The following TTN variants were observed in gnomAD, a reference collection of about 807,000 sequenced individuals.
The protein encoded by TTN is connectin.
A neutral mutation model predicts 3,223.0 loss-of-function variants in TTN; 1,525 were observed. That is an observed-to-expected ratio of 0.47 (90% confidence interval 0.45 to 0.49). The LOEUF (loss-of-function observed/expected upper bound fraction) is 0.49, where lower values mean the gene tolerates loss of function less well. TTN is among the 20% of genes least tolerant of loss of function. The probability of loss-of-function intolerance (pLI) is 0.00; values close to 1 mark genes in which losing one functional copy is unlikely to be tolerated. For synonymous variants in TTN, 14,094 were observed against 15,161.0 expected, an observed-to-expected ratio of 0.93 and a Z score of 5.17; for missense variants, 40,786 against 43,424.0, an observed-to-expected ratio of 0.94 and a Z score of 5.40.
rs565116044 is a variant in TTN, at chr2:178,642,852, T to A, written c.40478-535A>T. ...AGAGTAGCCTTTCTTAAGATTTCCT[T>A]TTTGAAATAATGCTGGATAAAATAT... On this transcript the variant is annotated intron_variant, in intron 218 of 362. Transcript: ENST00000589042. 9.9e-5 allele frequency among the ~76,000 whole-genome samples: 15 copies of A among 152,100 alleles called. 1 individual carries two copies. Among genetic ancestry groups the A allele is most frequent in the African/African-American group, 3.6e-4 (15 of 41,534 alleles).
rs2077303070 is a variant in TTN, at chr2:178,715,243, T to A, written c.25943A>T (p.Lys8648Met). Residue 8648 changes from lysine to methionine, a missense_variant, in exon 90 of 363, where the codon AAG (lysine) becomes ATG (methionine). Lys to Met is a moderately conservative substitution (Grantham distance 95). Coordinates refer to ENST00000589042, the MANE Select transcript of TTN (RefSeq NM_001267550.2). ...KVKEPPIFRK[K>M]PHPIETLKGA... ...TTTCAGTGTCTCTATAGGATGAGGC[T>A]TTTTGCGGAAAATGGGTGGTTCTAA... 1.2e-6 allele frequency: 2 copies of A among 1,604,188 alleles called. No homozygotes were observed. The highest frequency in any genetic ancestry group is 3.4e-5 in the Admixed American group (2 of 58,318).
rs141817409 is a variant in TTN, at chr2:178,548,411, C to T, written c.93215G>A (p.Arg31072His). 7.7e-5 allele frequency: 125 copies of T among 1,613,802 alleles called. No homozygotes were observed. In the African/African-American group the frequency reaches 1.1e-3, roughly 14 times the overall value. Residue 31072 changes from arginine (R) to histidine (H), a missense_variant, in exon 339 of 363, where the codon CGT (arginine) becomes CAT (histidine). By Grantham distance (29) the Arg-to-His change is conservative. Transcript: ENST00000589042. The surrounding 1 kb of genome is among the most constrained non-coding windows in gnomAD (Gnocchi z 4.3). ...SWQVISEKCT[R>H]QIFKVNDLAE... ...CAGGTCATTGACCTTGAAGATCTGA[C>T]GAGTGCATTTTTCACTGATAACCTG...
intron 43 of TTN, among the ~76,000 whole-genome samples, chr2:178,761,260 T>C (rs933716816): frequency 9.9e-5 from 15 of 152,104 alleles, no homozygotes; most frequent in African/African-American, 3.6e-4. Flanking sequence ...CCCACATCTG[T>C]CCATCCCTTC....
chr2:178,773,643 A>G lies in TTN; in HGVS notation c.7413T>C (p.Pro2471=). 4 of 1,614,086 alleles carry G rather than the reference A, an allele frequency of 2.5e-6. No individual in the cohort carries two copies. The highest frequency in any genetic ancestry group is 3.4e-6 in the Non-Finnish European group (4 of 1,179,976). Residue 2471 remains proline, a synonymous_variant, in exon 32 of 363, where the codon CCT becomes CCC. Transcript: ENST00000589042. ...KAVLECKVSV[P]DVTSVKWYLN... ...AGTACCACTTAACAGAAGTCACATC[A>G]GGGACTGACACCTTACATTCAAGCA...
intron 207 of TTN, 59 bp from the exon 208 acceptor site, chr2:178,651,379 T>G (rs2062920817): frequency 1.2e-6 from 2 of 1,606,652 alleles, no homozygotes; most frequent in South Asian, 2.2e-5. Context: ...TTCATCACAT[T>G]TACACAGAAC....
intron 133 of TTN, among the ~76,000 whole-genome samples, 197 bp from the exon 134 acceptor site, chr2:178,683,488 G>T (rs2069983526): frequency 2.0e-5 from 3 of 151,958 alleles, no homozygotes; most frequent in Non-Finnish European, 2.9e-5. Flanking sequence ...CAAAGACATT[G>T]AATAATTTTA....
At position 178,576,074 on chromosome 2, in the gene TTN, G is replaced by A. The variant is rs1709976943; in HGVS notation, c.70058C>T (p.Thr23353Ile). Residue 23353 changes from threonine (T) to isoleucine (I), a missense_variant, in exon 326 of 363, where the codon ACA (threonine) becomes ATA (isoleucine). By Grantham distance (89) the Thr-to-Ile change is moderately conservative (BLOSUM62 -1). Transcript: ENST00000589042. This position sits in a 1 kb window ranked among gnomAD's most constrained non-coding sequence, Gnocchi z 4.3. ...ACTGAGTCCTGCTCTAACAACAAGT[G>A]TTCTTCGAAGCTCGGCATCTAGTTC... The part of the protein sequence containing the change: ...DFELDAELRR[T>I]LVVRAGLSIR... 6.2e-7 allele frequency: 1 copy of A among 1,613,384 alleles called. No homozygotes were observed. The highest frequency in any genetic ancestry group is 1.3e-5 in the African/African-American group (1 of 74,880).
In TTN at chr2:178,588,924, T is replaced by C. The variant is rs568688685; in HGVS notation, c.62801A>G (p.Tyr20934Cys). Residue 20934 changes from tyrosine (Y) to cysteine (C), a missense_variant, in exon 304 of 363, where the codon TAT becomes TGT. Transcript: ENST00000589042. ...TVTRLIEGNE[Y>C]IFRVRAENKI... ...ATTTTCTGCACGGACTCTGAAAATA[T>C]ATTCATTTCCTTCTATGAGACGTGT... 2.5e-6 allele frequency: 4 copies of C among 1,612,984 alleles called. No individual in the cohort carries two copies. In the African/African-American group the frequency reaches 5.3e-5, roughly 22 times the overall value.
At position 178,584,998 on chromosome 2, in the gene TTN, G is replaced by T. The variant is rs184855962; in HGVS notation, c.64673-30C>A. The T allele has an allele frequency of 7.9e-5, 127 of 1,608,150 alleles. No homozygotes were observed. In the Admixed American group the frequency reaches 1.4e-3, roughly 17 times the overall value. On this transcript the variant is annotated intron_variant, in intron 309 of 362. Transcript: ENST00000589042. The stretch of plus-strand genomic sequence containing the variant: ...ATGAACCAAGAGGAAAGAAATGTAA[G>T]AACAAGGATTTGATACGTAAAAATA...
At chr2:178,541,681 TA>T in intron 349 of TTN, 97 bp from the exon 350 acceptor site, 2 of 1,144,496 alleles carry the variant, frequency 1.7e-6, no homozygotes, top group Non-Finnish European at 2.4e-6. Flanking sequence ...GTTGGTATTT[TA>T]AAAGGTACAT....
Position 178,538,709 on chromosome 2 carries a change from A to T in TTN, c.99120T>A (p.Ser33040=), listed in dbSNP as rs974897340. ...ILGYWVEYRQ[S]GDSAWKKSNK... ...TGCTCTTCTTCCAGGCACTGTCTCCAGACTGTCTATATTCAACCCAGTATC... is the reference window on the plus strand; with the variant it reads ...TGCTCTTCTTCCAGGCACTGTCTCCTGACTGTCTATATTCAACCCAGTATC... The change falls in exon 354 of 363, where the codon TCT becomes TCA. Residue 33040 remains serine, a synonymous_variant. Coordinates refer to ENST00000589042, the MANE Select transcript of TTN (RefSeq NM_001267550.2). 1 of 1,613,774 alleles carries T rather than the reference A, an allele frequency of 6.2e-7. No homozygotes were observed. Among genetic ancestry groups the T allele is most frequent in the African/African-American group, 1.3e-5 (1 of 75,012 alleles).
chr2:178,639,095 T>C (rs1040984212), intron 223 of TTN, among the ~76,000 whole-genome samples: 2 of 152,118 alleles, frequency 1.3e-5, no homozygotes, highest in African/African-American at 4.8e-5. Flanking sequence ...AAATTATTAT[T>C]GATCTAATTC....
In TTN at chr2:178,580,051, G is replaced by A; in HGVS notation, c.67236C>T (p.Ser22412=). The A allele has an allele frequency of 6.2e-7, 1 of 1,613,314 alleles. No individual in the cohort carries two copies. The highest frequency in any genetic ancestry group is 8.5e-7 in the Non-Finnish European group (1 of 1,179,474). Residue 22412 remains serine (S), a synonymous_variant, in exon 318 of 363, where the codon AGC becomes AGT. Coordinates refer to ENST00000589042, the MANE Select transcript of TTN (RefSeq NM_001267550.2). Reference sequence around the variant, plus strand: ...CCTCCTCCAAATTAGCTACTCTGAAGCTTGTTTTGGAGCACTCAGTTGTCA... The same window carrying A: ...CCTCCTCCAAATTAGCTACTCTGAAACTTGTTTTGGAGCACTCAGTTGTCA... ...STVTTECSKT[S]FRVANLEEGK... is the part of the protein sequence containing the mutation.
At position 178,776,095 on chromosome 2, in the gene TTN, A is replaced by G. The variant is rs1278399978; in HGVS notation, c.5769T>C (p.His1923=). 6 of 1,614,162 alleles carry G rather than the reference A, an allele frequency of 3.7e-6. No homozygotes were observed. The South Asian group carries it at 4.4e-5, about 12-fold the overall frequency. ...TCTGTTGAATCTCAAGCTTCACTTT[A>G]TGCTCTATCACACCTTCAGGATTTT... The part of the protein sequence containing the change: ...TAENPEGVIE[H]KVKLEIQQRE... The change falls in exon 28 of 363, where the codon CAT becomes CAC. Residue 1923 remains histidine, a synonymous_variant. Transcript: ENST00000589042.
At position 178,710,898 on chromosome 2, in the gene TTN, T is replaced by C. The variant is rs1254441947; in HGVS notation, c.28199A>G (p.Asp9400Gly). 1.2e-5 allele frequency: 20 copies of C among 1,613,184 alleles called. No homozygotes were observed. Among genetic ancestry groups the C allele is most frequent in the Non-Finnish European group, 1.7e-5 (20 of 1,179,330 alleles). ...LTEGKNPPFFDIRLAPVDAVV... is the reference protein window; with the variant it reads ...LTEGKNPPFFGIRLAPVDAVV... ...AGCATCCACAGGGGCAAGACGGATG[T>C]CAAAGAAGGGTGGGTTCTTCCCCTC... Residue 9400 changes from aspartate (D) to glycine (G), a missense_variant, in exon 98 of 363, where the codon GAC becomes GGC. By Grantham distance (94) the Asp-to-Gly change is moderately conservative (BLOSUM62 -1). Coordinates refer to ENST00000589042, the MANE Select transcript of TTN (RefSeq NM_001267550.2).
At chr2:178,536,753 C>T (rs767216342) in intron 356 of TTN, 178 bp from the exon 357 acceptor site, 10 of 784,504 alleles carry the variant, frequency 1.3e-5, no homozygotes, top group Non-Finnish European at 1.5e-5. Flanking sequence ...TCTATTTTTA[C>T]AATGGGGTTA....
In TTN at chr2:178,612,499, C is replaced by T. The variant is rs759582108; in HGVS notation, c.50026G>A (p.Glu16676Lys). The T allele has an allele frequency of 1.9e-6, 3 of 1,612,072 alleles. No individual in the cohort carries two copies. In the South Asian group the frequency reaches 3.3e-5, roughly 18 times the overall value. The change falls in exon 266 of 363, where the codon GAG becomes AAG. Residue 16676 changes from glutamate to lysine, a missense_variant. Glu to Lys is a moderately conservative substitution (Grantham distance 56, BLOSUM62 1). Transcript: ENST00000589042. ...NTADLKWTVP[E>K]KDGGSPITNY... ...GTGATGGGGGACCCTCCATCTTTCT[C>T]AGGAACTGTCCATTTTAGGTCTGCT...
chr2:178,721,349 G>T, intron 78 of TTN, 147 bp from the exon 79 acceptor site: 1 of 690,510 alleles, frequency 1.4e-6, no homozygotes, highest in Non-Finnish European at 2.0e-6. Context: ...AGTAAAATAA[G>T]TTATCTTTTA....
intron 222 of TTN, 31 bp downstream of exon 222, chr2:178,640,017 T>G: frequency 6.2e-7 from 1 of 1,609,588 alleles, no homozygotes; most frequent in Non-Finnish European, 8.5e-7. Context: ...AGAAAGAATA[T>G]GCTGTTGACA....
Sources: allele counts gnomAD v4.1 joint callset (sites outside exome capture counted in the v4.1 genomes callset), GRCh38; gene constraint gnomAD v4.1.1; non-coding constraint Gnocchi (gnomAD v3.1); transcripts MANE v1.5; gene names NCBI Gene and HGNC (gene_info 2026-07-23, HGNC 2026-07-21).